C16orf78: variants seen among roughly 807,000 people sequenced by gnomAD.
C16orf78 encodes chromosome 16 open reading frame 78.
A neutral mutation model predicts 27.3 loss-of-function variants in C16orf78; 19 were observed. The ratio of observed to expected loss-of-function variants is 0.70; its 90% confidence interval spans 0.49 to 1.02. C16orf78 has a LOEUF of 1.02. Among genes scored for constraint, C16orf78 ranks in the 50% least tolerant of loss-of-function variants. C16orf78 has a pLI of 0.00. For synonymous variants in C16orf78, 130 were observed against 116.1 expected (o/e 1.12, Z -0.77); for missense variants, 339 against 337.0 (o/e 1.01, Z -0.05).
At position 49,378,462 on chromosome 16, in the gene C16orf78, C is replaced by T. The variant is rs1300464335; in HGVS notation, c.271-8C>T. The T allele has an allele frequency of 3.2e-6, 5 of 1,566,942 alleles. No homozygotes were observed. Among genetic ancestry groups the T allele is most frequent in the Non-Finnish European group, 3.5e-6 (4 of 1,155,016 alleles). Reference sequence around the variant, plus strand: ...CTGGGGTGTGACTTCTCACCTGCTCCCTCCAAGGCCTTAGGAAAGAGATTC... The same window carrying T: ...CTGGGGTGTGACTTCTCACCTGCTCTCTCCAAGGCCTTAGGAAAGAGATTC... On this transcript the variant is annotated splice_region_variant and splice_polypyrimidine_tract_variant and intron_variant, in intron 2 of 4. Transcript: ENST00000299191.
intron 3 of C16orf78, among the ~76,000 whole-genome samples, chr16:49,386,162 T>C (rs896353467): frequency 6.6e-6 from 1 of 152,058 alleles, no homozygotes. Context: ...ACATAACAAC[T>C]GAAATATTTA....
In C16orf78 at chr16:49,377,626, GA is replaced by G; in HGVS notation, c.151-104del. ...TAGAGTGTGTGTGCTGAAGCCTGTGGAGGGGAGGGACAGCCCCTCACCTGGG... is the reference window on the plus strand; with the variant it reads ...TAGAGTGTGTGTGCTGAAGCCTGTGGGGGGAGGGACAGCCCCTCACCTGGG... On this transcript the variant is annotated intron_variant, in intron 1 of 4. Coordinates refer to ENST00000299191, the MANE Select transcript of C16orf78 (RefSeq NM_144602.4). 2.2e-6 allele frequency: 3 copies of G among 1,388,910 alleles called. No homozygotes were observed. In the East Asian group the frequency reaches 7.4e-5, roughly 34 times the overall value. The allele number at this position is 1,388,910 out of a possible 1,614,324, so 86.0% of individuals were successfully genotyped here. A position where few individuals can be genotyped will look rare whatever the true frequency, so the allele number is the denominator to read the frequency against.
intron 4 of C16orf78, among the ~76,000 whole-genome samples, chr16:49,398,822 C>T (rs1482791331): frequency 6.6e-6 from 1 of 152,194 alleles, no homozygotes; most frequent in African/African-American, 2.4e-5. Flanking sequence ...TATAGCTTTT[C>T]TTTCCATTGA....
intron 4 of C16orf78, among the ~76,000 whole-genome samples, chr16:49,396,924 C>G (rs151140698): frequency 2.6e-5 from 4 of 152,312 alleles, no homozygotes; most frequent in African/African-American, 9.6e-5. Flanking sequence ...CACTTTGATG[C>G]CACACCTTTC....
chr16:49,394,432 T>C (rs1965447481), intron 3 of C16orf78, among the ~76,000 whole-genome samples: 1 of 151,860 alleles, frequency 6.6e-6, no homozygotes. Context: ...ACACAATTTA[T>C]TACATCAACA....
At chr16:49,396,092 A>C (rs1239101980) in intron 3 of C16orf78, among the ~76,000 whole-genome samples, 1 of 152,078 alleles carries the variant, frequency 6.6e-6, no homozygotes, top group Non-Finnish European at 1.5e-5. Context: ...AAATATAAAA[A>C]TTTATCAGGA....
intron 3 of C16orf78, among the ~76,000 whole-genome samples, chr16:49,395,222 TAG>T (rs1965457174): frequency 6.6e-6 from 1 of 152,160 alleles, no homozygotes; most frequent in African/African-American, 2.4e-5. Context: ...TAAAAAACAG[TAG>T]ACTTTTCTCT....
At chr16:49,376,522 G>A (rs985394314) in intron 1 of C16orf78, among the ~76,000 whole-genome samples, 6 of 152,078 alleles carry the variant, frequency 3.9e-5, no homozygotes, top group Admixed American at 1.3e-4. Context: ...TGCAGCCTTG[G>A]CTCTGAGTTG....
At chr16:49,381,208 G>T (rs1965282522) in intron 3 of C16orf78, among the ~76,000 whole-genome samples, 1 of 152,144 alleles carries the variant, frequency 6.6e-6, no homozygotes, top group African/African-American at 2.4e-5. Context: ...CATTGAATCT[G>T]TAATTTACCT....
In C16orf78 at chr16:49,396,623, G is replaced by T; in HGVS notation, c.595G>T (p.Glu199Ter). 6.2e-7 allele frequency: 1 copy of T among 1,613,430 alleles called. No homozygotes were observed. Among genetic ancestry groups the T allele is most frequent in the Non-Finnish European group, 8.5e-7 (1 of 1,180,016 alleles). ...KLKSLMEKST[E>*]PKMETMRMLK... is the part of the protein sequence containing the mutation. ...AAAGAGCCTCATGGAGAAAAGCACC[G>T]AACCTAAGATGGAAACCATGAGGAT... The change falls in exon 4 of 5, where the codon GAA becomes TAA. Residue 199 changes from glutamate to a stop codon, truncating the protein, a stop_gained. Transcript: ENST00000299191. LOFTEE classifies it high-confidence loss of function.
intron 3 of C16orf78, among the ~76,000 whole-genome samples, chr16:49,395,935 T>A (rs1451091835): frequency 3.3e-5 from 5 of 151,658 alleles, no homozygotes; most frequent in African/African-American, 1.2e-4. Flanking sequence ...GGTAAAAGGA[T>A]TGAACAAATA....
In C16orf78 at chr16:49,395,140, C is replaced by T. The variant is rs1178226549; in HGVS notation, c.395-1283C>T. On this transcript the variant is annotated intron_variant, in intron 3 of 4. Coordinates refer to ENST00000299191, the MANE Select transcript of C16orf78 (RefSeq NM_144602.4). Reference sequence around the variant, plus strand: ...CTTGAACTCCTGGGCTCAAATGGTCCACCTGCCTCACCTCTCAAAGTGCTG... The same window carrying T: ...CTTGAACTCCTGGGCTCAAATGGTCTACCTGCCTCACCTCTCAAAGTGCTG... Among the ~76,000 whole-genome samples, 3 of 152,242 alleles carry T rather than the reference C, an allele frequency of 2.0e-5. 1 individual carries two copies. The highest frequency in any genetic ancestry group is 4.4e-5 in the Non-Finnish European group (3 of 68,010).
chr16:49,378,661 G>A (rs983384747), intron 3 of C16orf78, 68 bp downstream of exon 3: 17 of 1,595,198 alleles, frequency 1.1e-5, no homozygotes, highest in East Asian at 2.2e-5. Context: ...AGAAGAAACC[G>A]AAAGCTCACG....
At chr16:49,398,395 AT>A (rs1965499138) in intron 4 of C16orf78, among the ~76,000 whole-genome samples, 1 of 152,204 alleles carries the variant, frequency 6.6e-6, no homozygotes, top group African/African-American at 2.4e-5. Flanking sequence ...CACAGTACAA[AT>A]GGGATTGATC....
chr16:49,377,661 C>T (rs1965236194), intron 1 of C16orf78, 70 bp from the exon 2 acceptor site: 4 of 1,551,586 alleles, frequency 2.6e-6, no homozygotes, highest in Non-Finnish European at 3.5e-6. Flanking sequence ...GGAGCCTTCT[C>T]CTTGGGGAAA....
chr16:49,377,703 G>A, intron 1 of C16orf78, 28 bp from the exon 2 acceptor site: 4 of 1,595,530 alleles, frequency 2.5e-6, no homozygotes, highest in South Asian at 1.1e-5. Flanking sequence ...AGCAGTGGCT[G>A]CAGGGCTCTC....
chr16:49,377,548 C>T (rs1236411544), intron 1 of C16orf78, among the ~76,000 whole-genome samples, 183 bp from the exon 2 acceptor site: 14 of 151,964 alleles, frequency 9.2e-5, no homozygotes, highest in East Asian at 1.9e-4. Flanking sequence ...CTGGGGGCGG[C>T]GACATGTATA....
intron 2 of C16orf78, 79 bp from the exon 3 acceptor site, chr16:49,378,391 G>A: frequency 6.6e-7 from 1 of 1,507,052 alleles, no homozygotes; most frequent in Non-Finnish European, 8.9e-7. Context: ...CCTTGAAATT[G>A]CTGTTTGCTT....
rs771376917 is a variant in C16orf78, at chr16:49,396,495, T to C, written c.467T>C (p.Val156Ala). ...AACCCATTCCGTCGACAAAGCATTG[T>C]CTTAGATCCCATGTTACAGGAGGGT... is the stretch of plus-strand genomic sequence containing the variant. Reference protein sequence around the residue: ...RPNPFRRQSIVLDPMLQEGTF... With the variant: ...RPNPFRRQSIALDPMLQEGTF... Residue 156 changes from valine to alanine, a missense_variant, in exon 4 of 5, where the codon GTC becomes GCC. Val to Ala is a moderately conservative substitution (Grantham distance 64). Coordinates refer to ENST00000299191, the MANE Select transcript of C16orf78 (RefSeq NM_144602.4). The C allele has an allele frequency of 6.2e-7, 1 of 1,614,130 alleles. No homozygotes were observed. Among genetic ancestry groups the C allele is most frequent in the East Asian group, 2.2e-5 (1 of 44,876 alleles).
Sources: gnomAD v4.1 joint callset for allele counts (sites outside exome capture counted in the v4.1 genomes callset) on GRCh38, gnomAD v4.1.1 for gene constraint, MANE v1.5 for transcripts, NCBI Gene and HGNC (gene_info 2026-07-23, HGNC 2026-07-21) for gene names.